OPN3: variants seen among roughly 807,000 people sequenced by gnomAD.
OPN3 encodes opsin-3.
OPN3 carries 29 observed loss-of-function variants against 33.8 expected under a neutral mutation model. The ratio of observed to expected loss-of-function variants is 0.86; its 90% CI spans 0.64 to 1.17. The LOEUF (loss-of-function observed/expected upper bound fraction) is 1.17. Ranked by LOEUF, OPN3 falls within the 50% of genes most tolerant of loss-of-function variation. The probability of loss-of-function intolerance (pLI) is 0.00; values close to 1 mark genes in which losing one functional copy is unlikely to be tolerated. For synonymous variants in OPN3, 216 were observed against 216.1 expected, an observed-to-expected ratio of 1.00 and a Z score of 0.00; for missense variants, 437 against 514.1, an observed-to-expected ratio of 0.85 and a Z score of 1.45.
chr1:241,608,062 C>T (rs111587578), intron 1 of OPN3, among the ~76,000 whole-genome samples: 62 of 152,224 alleles, frequency 4.1e-4, no homozygotes, highest in African/African-American at 1.3e-3. Context: ...GTTGGTTTTA[C>T]GTAGTTTACA....
chr1:241,604,645 T>C, intron 1 of OPN3, 66 bp from the exon 2 acceptor site: 1 of 1,386,258 alleles, frequency 7.2e-7, no homozygotes, highest in Non-Finnish European at 9.9e-7. Flanking sequence ...AGAGACGTGA[T>C]ACATTCTCCA....
At chr1:241,606,879 A>C (rs1663847004) in intron 1 of OPN3, among the ~76,000 whole-genome samples, 1 of 152,230 alleles carries the variant, frequency 6.6e-6, no homozygotes, top group South Asian at 2.1e-4. Context: ...CCCACGAAAT[A>C]GCTCTGTAAC....
chr1:241,594,792 TG>T, intron 3 of OPN3, 101 bp from the exon 4 acceptor site: 1 of 1,413,280 alleles, frequency 7.1e-7, no homozygotes, highest in Non-Finnish European at 9.6e-7. Flanking sequence ...AGTTGTTTTT[TG>T]TTTGTTAGCA....
chr1:241,632,458 G>T (rs893703865), intron 1 of OPN3: 1 of 152,074 alleles, frequency 6.6e-6, no homozygotes, highest in Non-Finnish European at 1.5e-5. Context: ...TACTATTTCA[G>T]AGCAAAAACT....
At chr1:241,638,262 TGAA>T (rs1325403109) in intron 1 of OPN3, among the ~76,000 whole-genome samples, 1 of 151,802 alleles carries the variant, frequency 6.6e-6, no homozygotes, top group Non-Finnish European at 1.5e-5. Flanking sequence ...GGAGGGATGG[TGAA>T]GAAGAAAAAC....
chr1:241,637,022 G>A (rs3819981), intron 1 of OPN3, among the ~76,000 whole-genome samples: 34,620 of 152,004 alleles, frequency 0.23, 4,453 homozygotes, highest in Non-Finnish European at 0.28. Flanking sequence ...TTCCATGTGC[G>A]GAAGACATCT....
At chr1:241,600,648 C>G (rs1053197065) in intron 2 of OPN3, 2 of 152,166 alleles carry the variant, frequency 1.3e-5, no homozygotes, top group Admixed American at 1.3e-4. Context: ...TATGAGTCAC[C>G]TCTCTCTGAA....
intron 1 of OPN3, among the ~76,000 whole-genome samples, chr1:241,614,847 C>CTAGCCTTAGGCTTTTATCG (rs1558441376): frequency 3.7e-4 from 56 of 152,358 alleles, no homozygotes; most frequent in African/African-American, 1.1e-3. Flanking sequence ...GACAGATATC[C>CTAGCCTTAGGCTTTTATCG]TAGCCTTAGA....
At chr1:241,608,366 G>A (rs1663895933) in intron 1 of OPN3, among the ~76,000 whole-genome samples, 1 of 152,156 alleles carries the variant, frequency 6.6e-6, no homozygotes, top group African/African-American at 2.4e-5. Flanking sequence ...TGCTTGTGAT[G>A]TTTCAGTCAC....
At chr1:241,619,179 T>G (rs1041415039) in intron 1 of OPN3, among the ~76,000 whole-genome samples, 19 of 152,300 alleles carry the variant, frequency 1.2e-4, no homozygotes, top group African/African-American at 3.6e-4. Context: ...GCTCTAAAAC[T>G]TGCTTGCCTT....
In OPN3 at chr1:241,597,816, A is replaced by G. The variant is rs774353902; in HGVS notation, c.875T>C (p.Ile292Thr). ...HGHLVTPTISIVSYLFAKSNT... is the reference protein window; with the variant it reads ...HGHLVTPTISTVSYLFAKSNT... ...CGATTTAGCAAAGAGGTACGAAACAATAGATATTGTTGGAGTGACCAGGTG... is the reference window on the plus strand; with the variant it reads ...CGATTTAGCAAAGAGGTACGAAACAGTAGATATTGTTGGAGTGACCAGGTG... The change falls in exon 3 of 4, where the codon ATT becomes ACT. Residue 292 changes from isoleucine to threonine, a missense_variant. Ile to Thr is a moderately conservative substitution (Grantham distance 89, BLOSUM62 -1). Coordinates refer to ENST00000366554, the MANE Select transcript of OPN3 (RefSeq NM_014322.3). 7 of 1,613,968 alleles carry G rather than the reference A, an allele frequency of 4.3e-6. No homozygotes were observed. Among genetic ancestry groups the G allele is most frequent in the East Asian group, 4.5e-5 (2 of 44,850 alleles).
At chr1:241,623,347 C>T (rs1664318709) in intron 1 of OPN3, among the ~76,000 whole-genome samples, 1 of 152,234 alleles carries the variant, frequency 6.6e-6, no homozygotes, top group South Asian at 2.1e-4. Flanking sequence ...CAGACTCTCA[C>T]CAGCTCTTGC....
intron 1 of OPN3, among the ~76,000 whole-genome samples, chr1:241,618,850 T>C (rs1333246171): frequency 7.8e-6 from 1 of 128,590 alleles, no homozygotes; most frequent in Non-Finnish European, 1.6e-5. Flanking sequence ...TTTTTTTTTT[T>C]GGCACACCCA....
At position 241,598,086 on chromosome 1, in the gene OPN3, C is replaced by A. The variant is rs918825772; in HGVS notation, c.694-89G>T. On this transcript the variant is annotated intron_variant, in intron 2 of 3. Transcript: ENST00000366554. Reference sequence around the variant, plus strand: ...TTATAACAGATATTCAGACACCATTCTTGGCCCCACCTAAATGGAAAGAGA... The same window carrying A: ...TTATAACAGATATTCAGACACCATTATTGGCCCCACCTAAATGGAAAGAGA... 5.0e-6 allele frequency: 7 copies of A among 1,406,588 alleles called. No individual in the cohort carries two copies. The African/African-American group carries it at 1.0e-4, about 20-fold the overall frequency. 87.1% of individuals were successfully genotyped at this position (1,406,588 alleles called of 1,614,324 possible). A position where few individuals can be genotyped will look rare whatever the true frequency, so the allele number is the denominator to read the frequency against.
At chr1:241,633,140 A>G (rs543324463) in intron 1 of OPN3, 9 of 152,170 alleles carry the variant, frequency 5.9e-5, no homozygotes, top group Non-Finnish European at 1.3e-4. Context: ...GTAAATTAGA[A>G]TACTGTGGTG....
rs761313159 is a variant in OPN3, at chr1:241,594,656, T to TC, written c.980dup (p.Leu328ThrfsTer9). 1.2e-6 allele frequency: 2 copies of TC among 1,613,816 alleles called. No individual in the cohort carries two copies. The highest frequency in any genetic ancestry group is 2.7e-5 in the African/African-American group (2 of 74,870). ...TAGCAGGCCTCTGGCACCTCAGCAGTCGGAGGCACAGAAGCTGCAAAAGGG... is the reference window on the plus strand; with the variant it reads ...TAGCAGGCCTCTGGCACCTCAGCAGTCCGGAGGCACAGAAGCTGCAAAAGGG... On this transcript the variant is annotated frameshift_variant, in exon 4 of 4. Coordinates refer to ENST00000366554, the MANE Select transcript of OPN3 (RefSeq NM_014322.3). LOFTEE classifies it high-confidence loss of function.
At chr1:241,609,833 C>T (rs542847105) in intron 1 of OPN3, among the ~76,000 whole-genome samples, 9 of 152,268 alleles carry the variant, frequency 5.9e-5, no homozygotes, top group Middle Eastern at 3.4e-3. Context: ...GGGTGTGGAG[C>T]CAGGACCAAG....
At chr1:241,607,173 G>A (rs960030367) in intron 1 of OPN3, among the ~76,000 whole-genome samples, 14 of 152,060 alleles carry the variant, frequency 9.2e-5, no homozygotes, top group African/African-American at 3.1e-4. Context: ...TCAAGTGACC[G>A]GAAGAAGATT....
intron 1 of OPN3, chr1:241,631,050 T>C (rs556511809): frequency 6.6e-6 from 1 of 152,122 alleles, no homozygotes; most frequent in East Asian, 1.9e-4. Context: ...TCATGATACA[T>C]GGATAGACAT....
Sources: allele counts gnomAD v4.1 joint callset (sites outside exome capture counted in the v4.1 genomes callset), GRCh38; gene constraint gnomAD v4.1.1; transcripts MANE v1.5; gene names NCBI Gene and HGNC (gene_info 2026-07-23, HGNC 2026-07-21).